The following NFKBIA variants were observed in gnomAD, a reference collection of about 807,000 sequenced individuals.
NFKBIA encodes the protein NFKB inhibitor alpha.
Under a neutral mutation model 36.3 loss-of-function variants are expected in NFKBIA, and 10 were observed. The observed-to-expected ratio is 0.28, with a 90% confidence interval of 0.17 to 0.47. NFKBIA has a LOEUF of 0.47. NFKBIA is among the 20% of genes least tolerant of loss of function. NFKBIA has a pLI of 0.99. For missense variants in NFKBIA, 355 were observed against 399.3 expected (o/e 0.89, Z 0.94); for synonymous variants, 205 against 164.4 (o/e 1.25, Z -1.89).
At chr14:35,403,122 G>T (rs760706913) in intron 3 of NFKBIA, 28 bp downstream of exon 3, 3 of 1,602,714 alleles carry the variant, frequency 1.9e-6, no homozygotes, top group Non-Finnish European at 2.6e-6. Context: ...CTCCGAGGGG[G>T]TGGGGCAGGG....
chr14:35,403,815 GA>G lies in NFKBIA; in HGVS notation c.228-18del. The G allele has an allele frequency of 6.3e-7, 1 of 1,593,148 alleles. No homozygotes were observed. The highest frequency in any genetic ancestry group is 8.6e-7 in the Non-Finnish European group (1 of 1,163,198). On this transcript the variant is annotated intron_variant, in intron 1 of 5. Coordinates refer to ENST00000216797, the MANE Select transcript of NFKBIA (RefSeq NM_020529.3). ...TGCAGGAACCTGTGGGGAAGAGAGG[GA>G]AAAACCCCAGGGGTGGTGAGTGCAC...
chr14:35,403,885 G>T (rs2052757464), intron 1 of NFKBIA, 87 bp from the exon 2 acceptor site: 1 of 990,996 alleles, frequency 1.0e-6, no homozygotes, highest in Non-Finnish European at 1.6e-6. Context: ...GATTGCGCAA[G>T]GCCGGGGTTT....
At position 35,401,895 on chromosome 14, in the gene NFKBIA, G is replaced by C. The variant is rs2052729486; in HGVS notation, c.*118C>G. On this transcript the variant is annotated 3_prime_UTR_variant, in exon 6 of 6. Transcript: ENST00000216797. ...AATAAGACGTTTTGGGCCAGGCAGT[G>C]TGCAGTGTGGATATAAGTACACCCT... is the stretch of plus-strand genomic sequence containing the variant. 4 of 1,138,368 alleles carry C rather than the reference G, an allele frequency of 3.5e-6. No homozygotes were observed. The South Asian group carries it at 3.9e-5, about 11-fold the overall frequency. 70.5% of individuals were successfully genotyped at this position (1,138,368 alleles called of 1,614,324 possible).
chr14:35,404,591 G>A lies in NFKBIA; in HGVS notation c.54C>T (p.Asp18=), dbSNP rs2138834337. The A allele has an allele frequency of 1.3e-6, 2 of 1,580,794 alleles. No homozygotes were observed. The change falls in exon 1 of 6, where the codon GAC becomes GAT. Residue 18 remains aspartate, a synonymous_variant. Transcript: ENST00000216797. ...PQEWAMEGPR[D]GLKKERLLDD... ...CCAGTAGCCGCTCCTTCTTCAGCCC[G>A]TCGCGGGGGCCCTCCATGGCCCACT... is the stretch of plus-strand genomic sequence containing the variant.
chr14:35,402,751 C>A lies in NFKBIA; in HGVS notation c.636+20G>T, dbSNP rs368603759. On this transcript the variant is annotated intron_variant, in intron 4 of 5. Coordinates refer to ENST00000216797, the MANE Select transcript of NFKBIA (RefSeq NM_020529.3). ...GCACGAGGAGCCTGACTCAGTGCGT[C>A]GGGGGCAGGAAGCACCAACCTGAGC... 5 of 1,613,790 alleles carry A rather than the reference C, an allele frequency of 3.1e-6. No homozygotes were observed. The highest frequency in any genetic ancestry group is 1.3e-5 in the African/African-American group (1 of 74,916).
chr14:35,402,250 A>G (rs2052735915), intron 5 of NFKBIA, 144 bp downstream of exon 5: 11 of 1,297,210 alleles, frequency 8.5e-6, no homozygotes, highest in East Asian at 6.9e-5. Context: ...GGGCAGGTAC[A>G]TTCTTGGGAT....
chr14:35,402,677 G>A lies in NFKBIA; in HGVS notation c.637-14C>T, dbSNP rs753030896. ...ATTACAGGGCTCCTGAAACCAAAAG[G>A]AATTTGAGATGCTTATGGCTGCATT... On this transcript the variant is annotated splice_polypyrimidine_tract_variant and intron_variant, in intron 4 of 5. Coordinates refer to ENST00000216797, the MANE Select transcript of NFKBIA (RefSeq NM_020529.3). The A allele has an allele frequency of 1.9e-6, 3 of 1,614,186 alleles. No homozygotes were observed. The Admixed American group carries it at 5.0e-5, about 27-fold the overall frequency.
Position 35,401,988 on chromosome 14 carries a change from C to T in NFKBIA, c.*25G>A, listed in dbSNP as rs1226025168. On this transcript the variant is annotated 3_prime_UTR_variant, in exon 6 of 6. Transcript: ENST00000216797. Reference sequence around the variant, plus strand: ...TTTTTTTTTGTACAAATATACAAGTCCATGTTCTTTCAGCCCCTTTGCGCT... The same window carrying T: ...TTTTTTTTTGTACAAATATACAAGTTCATGTTCTTTCAGCCCCTTTGCGCT... 6.2e-7 allele frequency: 1 copy of T among 1,612,070 alleles called. No homozygotes were observed. Among genetic ancestry groups the T allele is most frequent in the African/African-American group, 1.3e-5 (1 of 74,786 alleles).
chr14:35,404,165 G>GT (rs1183808899), intron 1 of NFKBIA: 9 of 341,068 alleles, frequency 2.6e-5, no homozygotes, highest in Non-Finnish European at 4.3e-5. Flanking sequence ...GACGGGTCTG[G>GT]GGGGAGGGGG....
intron 1 of NFKBIA, 22 bp from the exon 2 acceptor site, chr14:35,403,820 A>ACC: frequency 6.3e-7 from 1 of 1,577,254 alleles, no homozygotes; most frequent in East Asian, 2.2e-5. Context: ...AGAGGGAAAA[A>ACC]CCCCAGGGGT....
chr14:35,401,877 C>G lies in NFKBIA; in HGVS notation c.*136G>C. ...GAGGGCTGATCCTACCACAATAAGA[C>G]GTTTTGGGCCAGGCAGTGTGCAGTG... On this transcript the variant is annotated 3_prime_UTR_variant, in exon 6 of 6. Transcript: ENST00000216797. The G allele has an allele frequency of 3.2e-6, 3 of 926,914 alleles. No individual in the cohort carries two copies. The highest frequency in any genetic ancestry group is 2.9e-5 in the South Asian group (2 of 69,566). The allele number at this position is 926,914 out of a possible 1,614,324, so 57.4% of individuals were successfully genotyped here.
chr14:35,403,386 A>C, intron 2 of NFKBIA, 26 bp from the exon 3 acceptor site: 1 of 1,612,710 alleles, frequency 6.2e-7, no homozygotes. Flanking sequence ...AGACCAGAGA[A>C]AGTAAGCCAT....
rs767565601 is a variant in NFKBIA, at chr14:35,404,525, C to T, written c.120G>A (p.Glu40=). The change falls in exon 1 of 6, where the codon GAG becomes GAA. Residue 40 remains glutamate (E), a synonymous_variant. Transcript: ENST00000216797. ...GCTCCTTGACCATCTGCTCGTACTC[C>T]TCGTCTTTCATGGAGTCCAGGCCGC... ...HDSGLDSMKD[E]EYEQMVKELQ... is the part of the protein sequence containing the mutation. 5 of 1,604,380 alleles carry T rather than the reference C, an allele frequency of 3.1e-6. No homozygotes were observed. In the African/African-American group the frequency reaches 4.0e-5, roughly 13 times the overall value.
At chr14:35,403,824 C>A in intron 1 of NFKBIA, 26 bp from the exon 2 acceptor site, 1 of 1,570,526 alleles carries the variant, frequency 6.4e-7, no homozygotes, top group Non-Finnish European at 8.7e-7. Context: ...GGAAAAACCC[C>A]AGGGGTGGTG....
Position 35,403,172 on chromosome 14 carries a change from G to A in NFKBIA, c.525C>T (p.Ile175=). Residue 175 remains isoleucine, a synonymous_variant, in exon 3 of 6, where the codon ATC becomes ATT. Coordinates refer to ENST00000216797, the MANE Select transcript of NFKBIA (RefSeq NM_020529.3). ...TACCATTGTAGTTGGTAGCCTTCAG[G>A]ATGGAGTGGAGGTGCGGGGTGGTGC... ...QSCTTPHLHS[I]LKATNYNGHT... 1 of 1,612,062 alleles carries A rather than the reference G, an allele frequency of 6.2e-7. No homozygotes were observed.
chr14:35,402,898 C>G, intron 3 of NFKBIA, 39 bp from the exon 4 acceptor site: 3 of 1,562,292 alleles, frequency 1.9e-6, no homozygotes, highest in Non-Finnish European at 8.8e-7. Flanking sequence ...CCACCTGTTT[C>G]AACCCTCACT....
intron 1 of NFKBIA, chr14:35,404,035 G>C (rs564548277): frequency 3.6e-6 from 2 of 549,700 alleles, no homozygotes; most frequent in Non-Finnish European, 6.5e-6. Flanking sequence ...CCGCCAGCTC[G>C]GAACGCCCTG....
intron 5 of NFKBIA, 26 bp downstream of exon 5, chr14:35,402,368 A>G: frequency 1.2e-6 from 2 of 1,613,888 alleles, no homozygotes; most frequent in Non-Finnish European, 1.7e-6. Context: ...CATTAGTTAG[A>G]GCGCCGAAGG....
rs1329034302 is a variant in NFKBIA at position 35,401,991 on chromosome 14, T to C, written c.*22A>G. On this transcript the variant is annotated 3_prime_UTR_variant, in exon 6 of 6. Transcript: ENST00000216797. ...TTTTTTGTACAAATATACAAGTCCA[T>C]GTTCTTTCAGCCCCTTTGCGCTCAT... 5 of 1,613,198 alleles carry C rather than the reference T, an allele frequency of 3.1e-6. No individual in the cohort carries two copies. Among genetic ancestry groups the C allele is most frequent in the East Asian group, 2.2e-5 (1 of 44,882 alleles).
Sources: gnomAD v4.1 joint callset for allele counts on GRCh38, gnomAD v4.1.1 for gene constraint, MANE v1.5 for transcripts, NCBI Gene and HGNC (gene_info 2026-07-23, HGNC 2026-07-21) for gene names.